The following AMBRA1 variants were observed in gnomAD, a reference collection of about 807,000 sequenced individuals.
The protein encoded by AMBRA1 is autophagy and beclin 1 regulator 1.
AMBRA1 carries 47 observed loss-of-function variants against 125.4 expected under a neutral mutation model. That is an observed-to-expected ratio of 0.37 (90% CI 0.30 to 0.48). The LOEUF is 0.48. AMBRA1 is among the 20% of genes least tolerant of loss of function. AMBRA1 has a pLI of 0.99. For missense variants in AMBRA1, 1,331 were observed against 1,693.4 expected, an observed-to-expected ratio of 0.79 and a Z score of 3.76; for synonymous variants, 626 against 655.5, an observed-to-expected ratio of 0.95 and a Z score of 0.69.
chr11:46,492,050 AT>A (rs1385187449), intron 11 of AMBRA1, among the ~76,000 whole-genome samples: 1 of 152,176 alleles, frequency 6.6e-6, no homozygotes, highest in Non-Finnish European at 1.5e-5. Flanking sequence ...GCAGCAAGTT[AT>A]TATCTGCCAG....
At chr11:46,501,503 T>C (rs1950838127) in intron 9 of AMBRA1, among the ~76,000 whole-genome samples, 1 of 152,202 alleles carries the variant, frequency 6.6e-6, no homozygotes, top group Non-Finnish European at 1.5e-5. Flanking sequence ...CAAAATAATG[T>C]AAAAATATGT....
intron 11 of AMBRA1, among the ~76,000 whole-genome samples, chr11:46,461,774 AC>A (rs569326481): frequency 4.9e-4 from 74 of 152,314 alleles, no homozygotes; most frequent in Non-Finnish European, 9.4e-4. Context: ...GGTCACATAA[AC>A]TTTGTACCCC....
intron 7 of AMBRA1, among the ~76,000 whole-genome samples, chr11:46,513,938 G>A (rs991668834): frequency 2.7e-5 from 4 of 150,342 alleles, no homozygotes; most frequent in African/African-American, 4.9e-5. Context: ...TAATAAACAC[G>A]GCCCAGGGGC....
chr11:46,449,348 C>A (rs1948462540), intron 11 of AMBRA1, among the ~76,000 whole-genome samples: 1 of 152,152 alleles, frequency 6.6e-6, no homozygotes, highest in Non-Finnish European at 1.5e-5. Flanking sequence ...TTTCAAGATA[C>A]AAGGTCAACT....
At chr11:46,412,060 T>A (rs1017907580) in intron 15 of AMBRA1, among the ~76,000 whole-genome samples, 1 of 152,180 alleles carries the variant, frequency 6.6e-6, no homozygotes, top group African/African-American at 2.4e-5. Flanking sequence ...CTCTCCCAGC[T>A]CCTTTTAAGG....
intron 11 of AMBRA1, among the ~76,000 whole-genome samples, chr11:46,485,387 C>G (rs947019770): frequency 6.6e-6 from 1 of 152,216 alleles, no homozygotes; most frequent in Admixed American, 6.5e-5. Flanking sequence ...AGAGCTTCTT[C>G]AAACTGTACG....
rs147373281 is a variant in AMBRA1 at position 46,549,349 on chromosome 11, A to G, written c.-120-849T>C. ...CTCCACTATGAATGTTTTAAAAAAT[A>G]TAGGAAAGTTGAAAGAATGGTACAA... On this transcript the variant is annotated intron_variant, in intron 1 of 17. Transcript: ENST00000683756. Among the ~76,000 whole-genome samples, 654 of 152,354 alleles carry G rather than the reference A, an allele frequency of 4.3e-3. 3 individuals are homozygous for G. The highest frequency in any genetic ancestry group is 0.015 in the African/African-American group (609 of 41,580).
chr11:46,433,158 C>A (rs537199226), intron 14 of AMBRA1, among the ~76,000 whole-genome samples: 2 of 152,326 alleles, frequency 1.3e-5, no homozygotes, highest in Non-Finnish European at 2.9e-5. Flanking sequence ...ATAAGCATTT[C>A]ATTGGGTCCT....
In AMBRA1 at chr11:46,482,791, A is replaced by G. The variant is rs1357837986; in HGVS notation, c.2521+10817T>C. The stretch of plus-strand genomic sequence containing the variant: ...TTTGGGGTGCCGAGGCAGGCAGATC[A>G]TAAGGTCAGGAGTTTGAAACCAGCC... On this transcript the variant is annotated intron_variant, in intron 11 of 17. Transcript: ENST00000683756. Among the ~76,000 whole-genome samples, 5 of 152,174 alleles carry G rather than the reference A, an allele frequency of 3.3e-5. No individual in the cohort carries two copies. In the East Asian group the frequency reaches 7.7e-4, roughly 24 times the overall value.
chr11:46,535,221 A>G (rs1205105430), intron 7 of AMBRA1, among the ~76,000 whole-genome samples: 1 of 152,240 alleles, frequency 6.6e-6, no homozygotes, highest in African/African-American at 2.4e-5. Context: ...CTCAGAAGTT[A>G]GAAAGCGTTT....
chr11:46,520,922 C>G (rs1406197249), intron 7 of AMBRA1, among the ~76,000 whole-genome samples: 2 of 152,092 alleles, frequency 1.3e-5, no homozygotes, highest in African/African-American at 2.4e-5. Context: ...CATTTTGTAC[C>G]TCTCTTAAGA....
intron 11 of AMBRA1, among the ~76,000 whole-genome samples, chr11:46,466,932 T>G (rs1949355224): frequency 1.3e-5 from 2 of 151,186 alleles, no homozygotes; most frequent in South Asian, 4.2e-4. Context: ...CTTTTTTTTT[T>G]TTTTGAGATG....
At chr11:46,554,948 T>C (rs1208342092) in intron 1 of AMBRA1, among the ~76,000 whole-genome samples, 1 of 152,028 alleles carries the variant, frequency 6.6e-6, no homozygotes, top group Non-Finnish European at 1.5e-5. Context: ...ATAAGACAAA[T>C]GCCGGTCAGG....
intron 14 of AMBRA1, among the ~76,000 whole-genome samples, chr11:46,427,826 T>G (rs1356106478): frequency 2.6e-5 from 4 of 151,986 alleles, no homozygotes; most frequent in Non-Finnish European, 4.4e-5. Context: ...CTGGTCAACA[T>G]AGTGAAACCC....
chr11:46,433,394 G>T, intron 14 of AMBRA1, 80 bp downstream of exon 14: 1 of 1,521,236 alleles, frequency 6.6e-7, no homozygotes, highest in African/African-American at 1.4e-5. Flanking sequence ...CTGGCTGGGA[G>T]GTCACACCAC....
rs183941105 is a variant in AMBRA1 at position 46,494,794 on chromosome 11, C to T, written c.2340-590G>A. 617 of 152,684 alleles carry T rather than the reference C, an allele frequency of 4.0e-3. 4 individuals are homozygous for T. The highest frequency in any genetic ancestry group is 3.6e-3 in the Non-Finnish European group (247 of 68,368). The allele number at this position is 152,684 out of a possible 1,614,324, so 9.5% of individuals were successfully genotyped here. A position where few individuals can be genotyped will look rare whatever the true frequency, so the allele number is the denominator to read the frequency against. ...GTCAATGGTGAAGAATATTAGAAAACGTAATCCTATGTTAGGTCATTTGAA... is the reference window on the plus strand; with the variant it reads ...GTCAATGGTGAAGAATATTAGAAAATGTAATCCTATGTTAGGTCATTTGAA... On this transcript the variant is annotated intron_variant, in intron 9 of 17. Transcript: ENST00000683756.
intron 1 of AMBRA1, among the ~76,000 whole-genome samples, chr11:46,593,391 G>T (rs2044676068): frequency 6.6e-6 from 1 of 152,104 alleles, no homozygotes; most frequent in African/African-American, 2.4e-5. Flanking sequence ...AAGAGCCAGA[G>T]GGCCTTGTTC....
At chr11:46,524,750 T>C (rs577018056) in intron 7 of AMBRA1, among the ~76,000 whole-genome samples, 46 of 152,354 alleles carry the variant, frequency 3.0e-4, no homozygotes, top group Non-Finnish European at 5.4e-4. Context: ...GCAGGGAATA[T>C]GATGCCCTCT....
chr11:46,421,126 G>T (rs1456211974), intron 14 of AMBRA1, among the ~76,000 whole-genome samples: 1 of 150,920 alleles, frequency 6.6e-6, no homozygotes, highest in Non-Finnish European at 1.5e-5. Flanking sequence ...CCCTCAAGAC[G>T]CCAATATGAT....
Sources: gnomAD v4.1 joint callset for allele counts (sites outside exome capture counted in the v4.1 genomes callset) on GRCh38, gnomAD v4.1.1 for gene constraint, MANE v1.5 for transcripts, NCBI Gene and HGNC (gene_info 2026-07-23, HGNC 2026-07-21) for gene names.